Variants in NME8 observed in about 807,000 individuals in gnomAD.
NME8 encodes the protein protein NME8.
In NME8, 72 loss-of-function variants were observed where a neutral mutation model predicts 82.3. The ratio of observed to expected loss-of-function variants is 0.87; its 90% CI spans 0.72 to 1.06. The LOEUF is 1.06. Ranked by LOEUF, NME8 falls within the 50% of genes least tolerant of loss-of-function variation. The pLI is 0.00. For missense variants in NME8, 712 were observed against 685.4 expected (o/e 1.04, Z -0.43); for synonymous variants, 267 against 228.5 (o/e 1.17, Z -1.52).
At chr7:37,885,346 A>G in intron 14 of NME8, 94 bp downstream of exon 14, 2 of 820,658 alleles carry the variant, frequency 2.4e-6, no homozygotes, top group Non-Finnish European at 4.2e-6. Context: ...GCTCTAGTCC[A>G]AGGGAGCTTC....
intron 16 of NME8, among the ~76,000 whole-genome samples, chr7:37,895,565 C>T (rs866034844): frequency 3.3e-5 from 5 of 152,120 alleles, no homozygotes; most frequent in Non-Finnish European, 5.9e-5. Flanking sequence ...ATTATGTGAA[C>T]ATCATTATCG....
chr7:37,855,569 G>A (rs1784498437), intron 5 of NME8, among the ~76,000 whole-genome samples: 1 of 152,102 alleles, frequency 6.6e-6, no homozygotes, highest in South Asian at 2.1e-4. Context: ...TGTTCAGGTA[G>A]ACATCTTTTC....
At chr7:37,859,641 C>T (rs1784569440) in intron 6 of NME8, among the ~76,000 whole-genome samples, 1 of 152,186 alleles carries the variant, frequency 6.6e-6, no homozygotes. Context: ...CCATCTCACT[C>T]CTGTCATTTA....
chr7:37,854,714 C>T (rs1353903726), intron 5 of NME8, among the ~76,000 whole-genome samples: 1 of 152,132 alleles, frequency 6.6e-6, no homozygotes, highest in Admixed American at 6.6e-5. Flanking sequence ...TAGAGGCACT[C>T]ATCTCTACCA....
chr7:37,869,297 T>C (rs1355441973), intron 11 of NME8, among the ~76,000 whole-genome samples: 2 of 152,108 alleles, frequency 1.3e-5, no homozygotes, highest in Non-Finnish European at 2.9e-5. Flanking sequence ...ACAGTAGCAG[T>C]TACTTTCAGG....
At position 37,896,770 on chromosome 7, in the gene NME8, G is replaced by A. The variant is rs1785234877; in HGVS notation, c.1545-100G>A. ...ACTGATAAGGACAAAGAATAAAAAG[G>A]AGCTCCCTGGCTCAGGCTGCAGTGT... On this transcript the variant is annotated intron_variant, in intron 16 of 17. Transcript: ENST00000199447. 4.2e-6 allele frequency: 4 copies of A among 946,522 alleles called. No homozygotes were observed. The South Asian group carries it at 5.2e-5, about 12-fold the overall frequency. The allele number at this position is 946,522 out of a possible 1,614,324, so 58.6% of individuals were successfully genotyped here. A position where few individuals can be genotyped will look rare whatever the true frequency, so the allele number is the denominator to read the frequency against.
chr7:37,868,737 C>T (rs1784727920), intron 11 of NME8, among the ~76,000 whole-genome samples: 1 of 152,218 alleles, frequency 6.6e-6, no homozygotes, highest in Non-Finnish European at 1.5e-5. Flanking sequence ...TCCCCACCTT[C>T]CCCTTCCACC....
intron 12 of NME8, among the ~76,000 whole-genome samples, chr7:37,877,609 C>G (rs568366164): frequency 4.3e-4 from 66 of 152,294 alleles, no homozygotes; most frequent in Non-Finnish European, 7.6e-4. Flanking sequence ...TAGGAGCTTT[C>G]TAGGAGCTTT....
rs1007378565 is a variant in NME8 at position 37,865,677 on chromosome 7, T to G, written c.621+60T>G. ...TTTAAATACAGTGGCCTCCATAAGC[T>G]TTAAATCTTTATTACAGAAAAGCAA... On this transcript the variant is annotated intron_variant, in intron 10 of 17. Coordinates refer to ENST00000199447, the MANE Select transcript of NME8 (RefSeq NM_016616.5). 2.3e-5 allele frequency: 26 copies of G among 1,144,688 alleles called. No homozygotes were observed. The Admixed American group carries it at 4.6e-4, about 20-fold the overall frequency. 70.9% of individuals were successfully genotyped at this position (1,144,688 alleles called of 1,614,324 possible).
intron 12 of NME8, among the ~76,000 whole-genome samples, chr7:37,881,929 T>C (rs920549792): frequency 6.6e-6 from 1 of 152,242 alleles, no homozygotes; most frequent in African/African-American, 2.4e-5. Flanking sequence ...TTTATCTGAA[T>C]TATCAAATTT....
chr7:37,849,344 C>A (rs748127027), intron 2 of NME8, among the ~76,000 whole-genome samples: 1 of 152,150 alleles, frequency 6.6e-6, no homozygotes, highest in Non-Finnish European at 1.5e-5. Context: ...ATATAGGAAA[C>A]ACTTTCTAAT....
chr7:37,885,010 AGACCTCT>A lies in NME8; in HGVS notation c.1140-133_1140-127del. The A allele has an allele frequency of 1.0e-5, 7 of 667,510 alleles. No homozygotes were observed. The South Asian group carries it at 1.2e-4, about 12-fold the overall frequency. 41.3% of individuals were successfully genotyped at this position (667,510 alleles called of 1,614,324 possible). On this transcript the variant is annotated intron_variant, in intron 13 of 17. Coordinates refer to ENST00000199447, the MANE Select transcript of NME8 (RefSeq NM_016616.5). ...AAACATATCAACGGAAAAAAATCAC[AGACCTCT>A]GTTAAAAGATTATTTTACATGTTAC... is the stretch of plus-strand genomic sequence containing the variant.
chr7:37,865,480 T>A (rs367740352), intron 9 of NME8, 45 bp from the exon 10 acceptor site: 83 of 1,333,816 alleles, frequency 6.2e-5, no homozygotes, highest in Non-Finnish European at 8.7e-5. Context: ...TTGTTTTACA[T>A]GTGATCCCAC....
chr7:37,868,306 C>T (rs1784721417), intron 11 of NME8, among the ~76,000 whole-genome samples: 1 of 152,162 alleles, frequency 6.6e-6, no homozygotes, highest in South Asian at 2.1e-4. Context: ...TTATTAGCCA[C>T]ACAGGTCATG....
In NME8 at chr7:37,888,360, T is replaced by TA. The variant is rs1785075378; in HGVS notation, c.1332dup (p.Gln445ThrfsTer14). The TA allele has an allele frequency of 6.2e-7, 1 of 1,613,462 alleles. No homozygotes were observed. The highest frequency in any genetic ancestry group is 8.5e-7 in the Non-Finnish European group (1 of 1,179,564). Reference sequence around the variant, plus strand: ...TCATTAGAAACCGCTGAAAGGGAAATACAGCATTTCTTTCCTCTTCAAAGC... The same window carrying TA: ...TCATTAGAAACCGCTGAAAGGGAAATAACAGCATTTCTTTCCTCTTCAAAGC... On this transcript the variant is annotated frameshift_variant, in exon 15 of 18. Coordinates refer to ENST00000199447, the MANE Select transcript of NME8 (RefSeq NM_016616.5). LOFTEE classifies it high-confidence loss of function.
In NME8 at chr7:37,857,439, A is replaced by G. The variant is rs1195247585; in HGVS notation, c.270+94A>G. ...AAAATTACCATGAAATTGTTTGCCA[A>G]TGACAGTAATTACACAATGTTTGCC... On this transcript the variant is annotated intron_variant, in intron 6 of 17. Coordinates refer to ENST00000199447, the MANE Select transcript of NME8 (RefSeq NM_016616.5). 5.6e-5 allele frequency: 46 copies of G among 826,542 alleles called. No homozygotes were observed. The East Asian group carries it at 1.2e-3, about 22-fold the overall frequency. 51.2% of individuals were successfully genotyped at this position (826,542 alleles called of 1,614,324 possible).
chr7:37,861,038 C>T (rs1446445384), intron 6 of NME8, among the ~76,000 whole-genome samples: 1 of 152,190 alleles, frequency 6.6e-6, no homozygotes, highest in African/African-American at 2.4e-5. Context: ...TCCACCTCCA[C>T]CTCTAGCATA....
intron 10 of NME8, among the ~76,000 whole-genome samples, chr7:37,867,310 T>C (rs560080597): frequency 6.6e-6 from 1 of 152,008 alleles, no homozygotes; most frequent in African/African-American, 2.4e-5. Context: ...TTTTTTAATC[T>C]TTGTAGCAAT....
At chr7:37,872,698 G>C (rs1014861722) in intron 11 of NME8, among the ~76,000 whole-genome samples, 1 of 152,168 alleles carries the variant, frequency 6.6e-6, no homozygotes, top group African/African-American at 2.4e-5. Flanking sequence ...GAGAGCAGAA[G>C]TCTGCAATCT....
Sources: allele counts gnomAD v4.1 joint callset (sites outside exome capture counted in the v4.1 genomes callset), GRCh38; gene constraint gnomAD v4.1.1; transcripts MANE v1.5; gene names NCBI Gene and HGNC (gene_info 2026-07-23, HGNC 2026-07-21).